THBS4: variants seen among roughly 807,000 people sequenced by gnomAD.
THBS4 encodes thrombospondin 4, also known as thrombospondin-4.
A neutral mutation model predicts 115.7 loss-of-function variants in THBS4; 90 were observed. The ratio of observed to expected loss-of-function variants is 0.78; its 90% CI spans 0.66 to 0.93. The LOEUF is 0.93. Among genes scored for constraint, THBS4 ranks in the 40% least tolerant of loss-of-function variants. The probability of loss-of-function intolerance (pLI) is 0.00; values close to 1 mark genes in which losing one functional copy is unlikely to be tolerated. For synonymous variants in THBS4, 460 were observed against 479.3 expected (o/e 0.96, Z 0.53); for missense variants, 1,087 against 1,232.7 (o/e 0.88, Z 1.77).
At chr5:80,072,568 C>T in intron 14 of THBS4, 172 bp downstream of exon 14, 1 of 652,654 alleles carries the variant, frequency 1.5e-6, no homozygotes, top group Non-Finnish European at 2.8e-6. Context: ...GGATGAACAC[C>T]ACACAAGATC....
At chr5:80,011,660 T>C (rs1832128741) in intron 2 of THBS4, among the ~76,000 whole-genome samples, 1 of 152,094 alleles carries the variant, frequency 6.6e-6, no homozygotes, top group Non-Finnish European at 1.5e-5. Context: ...TAGTGAGGAC[T>C]ACACCAAACT....
chr5:80,073,794 T>C (rs12659722), intron 15 of THBS4, among the ~76,000 whole-genome samples: 2 of 152,188 alleles, frequency 1.3e-5, no homozygotes, highest in African/African-American at 2.4e-5. Context: ...AGAATTACCA[T>C]GAAAATTCTC....
chr5:80,039,040 A>G (rs563563560), intron 1 of THBS4, among the ~76,000 whole-genome samples: 1 of 152,294 alleles, frequency 6.6e-6, no homozygotes, highest in Middle Eastern at 3.4e-3. Flanking sequence ...GGTCATTGTA[A>G]TTCTTTTTAT....
chr5:80,079,244 G>T lies in THBS4; in HGVS notation c.2497G>T (p.Gly833Cys). 6.2e-7 allele frequency: 1 copy of T among 1,610,662 alleles called. No individual in the cohort carries two copies. Among genetic ancestry groups the T allele is most frequent in the Non-Finnish European group, 8.5e-7 (1 of 1,178,062 alleles). Residue 833 changes from glycine (G) to cysteine (C), a missense_variant, in exon 19 of 22, where the codon GGC becomes TGC. Physicochemically the swap from Gly to Cys is radical, Grantham distance 159. Transcript: ENST00000350881. ...CCCATTCCGAGCAGTTGCAGAACCT[G>T]GCATTCAGCTCAAGGTATTGGTGGT... Reference protein sequence around the residue: ...ATPFRAVAEPGIQLKAVKSKT... With the variant: ...ATPFRAVAEPCIQLKAVKSKT...
At position 80,061,827 on chromosome 5, in the gene THBS4, A is replaced by G. The variant is rs774677560; in HGVS notation, c.1120A>G (p.Lys374Glu). 18 of 1,607,150 alleles carry G rather than the reference A, an allele frequency of 1.1e-5. No individual in the cohort carries two copies. In the Admixed American group the frequency reaches 3.1e-4, roughly 28 times the overall value. The change falls in exon 8 of 22, where the codon AAG becomes GAG. Residue 374 changes from lysine (K) to glutamate (E), a missense_variant. Lys to Glu is a moderately conservative substitution (Grantham distance 56, BLOSUM62 1). Transcript: ENST00000350881. ...TGGGATCAGTTTTGCCAAGTCAAAC[A>G]AGCAGGTAGGCTGAAGTCATGGTTT... is the stretch of plus-strand genomic sequence containing the variant. The part of the protein sequence containing the change: ...GVGISFAKSN[K>E]QVCTDIDECR...
intron 2 of THBS4, among the ~76,000 whole-genome samples, chr5:80,013,519 C>T (rs1832188502): frequency 6.6e-6 from 1 of 152,090 alleles, no homozygotes; most frequent in African/African-American, 2.4e-5. Context: ...GTGATATCTC[C>T]ATGAAGGGCC....
At chr5:80,050,775 C>T (rs554507448) in intron 2 of THBS4, among the ~76,000 whole-genome samples, 1 of 152,204 alleles carries the variant, frequency 6.6e-6, no homozygotes, top group Admixed American at 6.5e-5. Flanking sequence ...AAAGTTAGTT[C>T]GGCCTGTGCC....
chr5:80,055,367 G>A (rs1400964442), intron 2 of THBS4, among the ~76,000 whole-genome samples: 1 of 151,788 alleles, frequency 6.6e-6, no homozygotes, highest in African/African-American at 2.4e-5. Context: ...AAGCACCTAA[G>A]GACAGCCCCC....
chr5:80,033,482 G>T (rs1252975881), upstream of THBS4, among the ~76,000 whole-genome samples: 1 of 152,214 alleles, frequency 6.6e-6, no homozygotes, highest in Non-Finnish European at 1.5e-5. Flanking sequence ...ATGGTGAGAA[G>T]GCAGAAGCTA....
chr5:80,074,662 C>T (rs1743108043), intron 15 of THBS4, among the ~76,000 whole-genome samples: 1 of 149,390 alleles, frequency 6.7e-6, no homozygotes, highest in East Asian at 2.0e-4. Flanking sequence ...CTTGCTCTGT[C>T]ACCCAGGCTG....
chr5:80,008,899 A>T (rs577597379), intron 2 of THBS4, among the ~76,000 whole-genome samples: 232 of 152,346 alleles, frequency 1.5e-3, no homozygotes, highest in Non-Finnish European at 2.7e-3. Context: ...ATATGTATTA[A>T]TATCTTAGTA....
chr5:80,039,321 C>T (rs1477483441), intron 1 of THBS4, among the ~76,000 whole-genome samples: 1 of 152,204 alleles, frequency 6.6e-6, no homozygotes, highest in Non-Finnish European at 1.5e-5. Context: ...CATACTCTCT[C>T]ATAGCTTTCA....
chr5:80,065,627 A>C (rs945097929), intron 9 of THBS4, 150 bp downstream of exon 9: 3 of 550,678 alleles, frequency 5.4e-6, no homozygotes, highest in Non-Finnish European at 9.0e-6. Flanking sequence ...GTGCTGAAAA[A>C]GTGTTTAATA....
At chr5:80,069,502 C>T (rs2112132162) in intron 10 of THBS4, among the ~76,000 whole-genome samples, 1 of 152,260 alleles carries the variant, frequency 6.6e-6, no homozygotes, top group Admixed American at 6.5e-5. Context: ...ATTGACAACT[C>T]CCCTGGGATG....
At chr5:80,052,588 C>T (rs1434664426) in intron 2 of THBS4, 2 of 152,192 alleles carry the variant, frequency 1.3e-5, no homozygotes, top group Admixed American at 6.5e-5. Flanking sequence ...TCTTCTCCCT[C>T]AAGAAGCAAG....
At chr5:80,006,845 C>G (rs940483451) in intron 2 of THBS4, among the ~76,000 whole-genome samples, 9 of 152,166 alleles carry the variant, frequency 5.9e-5, no homozygotes, top group African/African-American at 2.2e-4. Context: ...AATATGCAAT[C>G]TATGCATGTA....
chr5:80,051,063 G>T (rs1329309686), intron 2 of THBS4, among the ~76,000 whole-genome samples: 3 of 152,118 alleles, frequency 2.0e-5, no homozygotes, highest in African/African-American at 7.2e-5. Flanking sequence ...CCTGCGTTTT[G>T]TTCCTTCTGC....
chr5:80,073,052 G>A (rs1311434258), intron 14 of THBS4, among the ~76,000 whole-genome samples: 1 of 152,196 alleles, frequency 6.6e-6, no homozygotes, highest in Non-Finnish European at 1.5e-5. Flanking sequence ...CTCATCTGGT[G>A]TGTGGGCAGC....
intron 2 of THBS4, among the ~76,000 whole-genome samples, chr5:79,998,974 G>A (rs138624978): frequency 2.0e-4 from 30 of 152,258 alleles, no homozygotes; most frequent in South Asian, 6.2e-4. Context: ...TGGACAGCCG[G>A]GAGTAAAGAT....
Sources: gnomAD v4.1 joint callset for allele counts (sites outside exome capture counted in the v4.1 genomes callset) on GRCh38, gnomAD v4.1.1 for gene constraint, MANE v1.5 for transcripts, NCBI Gene and HGNC (gene_info 2026-07-23, HGNC 2026-07-21) for gene names.